Variants in USP50 observed in about 807,000 individuals in gnomAD.
USP50 encodes ubiquitin specific peptidase 50, also known as ubiquitin carboxyl-terminal hydrolase 50.
USP50 carries 37 observed loss-of-function variants against 39.2 expected under a neutral mutation model. The ratio of observed to expected loss-of-function variants is 0.94; its 90% CI spans 0.73 to 1.24. The LOEUF is 1.24. Among genes scored for constraint, USP50 ranks in the 50% most tolerant of loss-of-function variants. The pLI is 0.00. For synonymous variants in USP50, 139 were observed against 144.5 expected (o/e 0.96, Z 0.27); for missense variants, 374 against 398.2 (o/e 0.94, Z 0.52).
At chr15:50,531,301 A>G (rs2052938582) in intron 5 of USP50, among the ~76,000 whole-genome samples, 1 of 152,216 alleles carries the variant, frequency 6.6e-6, no homozygotes, top group Non-Finnish European at 1.5e-5. Flanking sequence ...ACTATGCAAA[A>G]CTGTAAACAA....
intron 6 of USP50, among the ~76,000 whole-genome samples, chr15:50,514,669 C>T (rs572839683): frequency 6.6e-5 from 10 of 152,162 alleles, no homozygotes; most frequent in Non-Finnish European, 1.3e-4. Flanking sequence ...GCTGGGATTA[C>T]AGGCGCATGC....
At chr15:50,494,969 T>C (rs1449021090) in intron 1 of USP50, among the ~76,000 whole-genome samples, 2 of 150,996 alleles carry the variant, frequency 1.3e-5, no homozygotes, top group African/African-American at 4.9e-5. Flanking sequence ...GAGCCGAGAT[T>C]GCAGTGACCA....
intron 3 of USP50, among the ~76,000 whole-genome samples, chr15:50,541,521 A>C (rs1424383950): frequency 6.6e-6 from 1 of 152,142 alleles, no homozygotes; most frequent in East Asian, 1.9e-4. Flanking sequence ...TCCAAAAAAA[A>C]AGGAAAAGTT....
intron 6 of USP50, among the ~76,000 whole-genome samples, chr15:50,516,037 T>C (rs1207294671): frequency 6.6e-6 from 1 of 152,196 alleles, no homozygotes; most frequent in Non-Finnish European, 1.5e-5. Flanking sequence ...AGTAAAAGTA[T>C]AGTTTTTGAT....
In USP50 at chr15:50,544,663, T is replaced by C. The variant is rs753877138; in HGVS notation, c.172A>G (p.Ile58Val). 1.9e-6 allele frequency: 3 copies of C among 1,613,892 alleles called. No individual in the cohort carries two copies. Among genetic ancestry groups the C allele is most frequent in the Admixed American group, 1.7e-5 (1 of 60,000 alleles). ...AAGATGCTGCAGAGACACTGTGAGA[T>C]GGCATTCACGCAGCATGTGTTGCCC... Reference protein sequence around the residue: ...NLGNTCCVNAISQCLCSILPL... With the variant: ...NLGNTCCVNAVSQCLCSILPL... The change falls in exon 2 of 7, where the codon ATC becomes GTC. Residue 58 changes from isoleucine (I) to valine (V), a missense_variant. Coordinates refer to ENST00000532404, the MANE Select transcript of USP50 (RefSeq NM_203494.5).
rs2052567455 is a variant in USP50, at chr15:50,500,683, G to A, written c.*86C>T. On this transcript the variant is annotated 3_prime_UTR_variant, in exon 7 of 7. Transcript: ENST00000532404. ...ACGCTTTTGTATTGGTATGGAAAAGGGCTGGCAGCTATAGAACAGGAGATC... is the reference window on the plus strand; with the variant it reads ...ACGCTTTTGTATTGGTATGGAAAAGAGCTGGCAGCTATAGAACAGGAGATC... 7.6e-7 allele frequency: 1 copy of A among 1,319,602 alleles called. No homozygotes were observed. Among genetic ancestry groups the A allele is most frequent in the Non-Finnish European group, 1.1e-6 (1 of 938,710 alleles). The allele number at this position is 1,319,602 out of a possible 1,614,324, so 81.7% of individuals were successfully genotyped here.
downstream of USP50, chr15:50,497,267 T>C (rs752796570): frequency 5.1e-6 from 8 of 1,562,520 alleles, no homozygotes; most frequent in Middle Eastern, 1.7e-4. Flanking sequence ...TTCAGTGAAA[T>C]TAAATGAGGG....
chr15:50,515,641 A>AATAT (rs1375960267), intron 6 of USP50, among the ~76,000 whole-genome samples: 4 of 107,968 alleles, frequency 3.7e-5, no homozygotes, highest in Non-Finnish European at 7.5e-5. Context: ...ATAGATGTAA[A>AATAT]ATATATATGT....
Position 50,543,638 on chromosome 15 carries a change from A to G in USP50, c.404T>C (p.Leu135Ser), listed in dbSNP as rs1184011848. 6.2e-7 allele frequency: 1 copy of G among 1,613,752 alleles called. No individual in the cohort carries two copies. Among genetic ancestry groups the G allele is most frequent in the Non-Finnish European group, 8.5e-7 (1 of 1,179,796 alleles). The part of the protein sequence containing the change: ...KKMQQDAQEF[L>S]ICVLNELHEA... ...ATGAAGTTCATTTAGGACACAAATC[A>G]AGAATTCCTGAGCATCTTGTTGCAT... The change falls in exon 3 of 7, where the codon TTG becomes TCG. Residue 135 changes from leucine to serine, a missense_variant. Leu to Ser is a moderately radical substitution (Grantham distance 145, BLOSUM62 -2). Transcript: ENST00000532404.
chr15:50,497,238 G>A (rs746693019), downstream of USP50: 7 of 1,595,406 alleles, frequency 4.4e-6, no homozygotes, highest in Non-Finnish European at 6.0e-6. Context: ...AACGGTAAAG[G>A]GGAAAGTTTG....
chr15:50,524,147 A>G (rs765894987), intron 6 of USP50, among the ~76,000 whole-genome samples: 2 of 152,268 alleles, frequency 1.3e-5, no homozygotes, highest in Non-Finnish European at 2.9e-5. Context: ...AGACTTCAAT[A>G]TAAGACCTGA....
At chr15:50,499,064 A>G (rs536740079), downstream of USP50, 3 of 1,611,022 alleles carry the variant, frequency 1.9e-6, no homozygotes, top group Non-Finnish European at 2.5e-6. Flanking sequence ...CATTGGGACC[A>G]CGAGTAACTG....
downstream of USP50, chr15:50,499,026 T>G (rs752223049): frequency 3.2e-5 from 51 of 1,613,884 alleles, no homozygotes; most frequent in East Asian, 1.1e-3. Context: ...TGTGAAATCT[T>G]CAGCAGCTTA....
intron 6 of USP50, among the ~76,000 whole-genome samples, chr15:50,519,395 A>G (rs2052829812): frequency 6.6e-6 from 1 of 152,126 alleles, no homozygotes; most frequent in African/African-American, 2.4e-5. Flanking sequence ...GTTCAACATC[A>G]CTAATCATCT....
chr15:50,516,443 C>T lies in USP50; in HGVS notation c.936+13354G>A, dbSNP rs112844152. Reference sequence around the variant, plus strand: ...ACCAGCCTGGCCAACATGGTGAAACCCCATCTCCACTAAAAATACAAAAAG... The same window carrying T: ...ACCAGCCTGGCCAACATGGTGAAACTCCATCTCCACTAAAAATACAAAAAG... On this transcript the variant is annotated intron_variant, in intron 6 of 6. Coordinates refer to ENST00000532404, the MANE Select transcript of USP50 (RefSeq NM_203494.5). Among the ~76,000 whole-genome samples, 273 of 151,842 alleles carry T rather than the reference C, an allele frequency of 1.8e-3. 4 individuals are homozygous for T. Among genetic ancestry groups the T allele is most frequent in the African/African-American group, 5.8e-3 (239 of 41,190 alleles).
At chr15:50,537,624 C>T (rs375860715) in intron 5 of USP50, among the ~76,000 whole-genome samples, 4 of 151,276 alleles carry the variant, frequency 2.6e-5, no homozygotes, top group African/African-American at 9.7e-5. Context: ...TTTGGGAGAC[C>T]GAGGTGGGCA....
chr15:50,495,232 G>GTA lies in USP50; in HGVS notation n.185-1104_185-1103dup, dbSNP rs148202858. On this transcript the variant is annotated intron_variant and non_coding_transcript_variant, in intron 1 of 1. Transcript: ENST00000560159. The stretch of plus-strand genomic sequence containing the variant: ...CACACACCTACACAAAAATATTTGT[G>GTA]TATATATATATACGTGTATATATAC... 3.6e-3 allele frequency among the ~76,000 whole-genome samples: 301 copies of GTA among 82,934 alleles called. 8 individuals carry two copies. Among genetic ancestry groups the GTA allele is most frequent in the East Asian group, 0.027 (45 of 1,696 alleles). 54.4% of individuals were successfully genotyped at this position (82,934 alleles called of 152,430 possible). A position where few individuals can be genotyped will look rare whatever the true frequency, so the allele number is the denominator to read the frequency against.
chr15:50,525,353 G>A (rs1007004383), intron 6 of USP50, among the ~76,000 whole-genome samples: 2 of 151,794 alleles, frequency 1.3e-5, no homozygotes, highest in Admixed American at 6.6e-5. Context: ...AGTGGCTATC[G>A]TAAATAAAAG....
intron 5 of USP50, among the ~76,000 whole-genome samples, chr15:50,537,276 C>A (rs751656395): frequency 2.1e-4 from 32 of 152,014 alleles, no homozygotes; most frequent in African/African-American, 7.5e-4. Flanking sequence ...ACACACAAAC[C>A]TTACACCCTT....
Sources: gnomAD v4.1 joint callset for allele counts (sites outside exome capture counted in the v4.1 genomes callset) on GRCh38, gnomAD v4.1.1 for gene constraint, MANE v1.5 for transcripts, NCBI Gene and HGNC (gene_info 2026-07-23, HGNC 2026-07-21) for gene names.